The following RELN variants were observed in gnomAD, a reference collection of about 807,000 sequenced individuals.
RELN encodes reelin.
RELN carries 108 observed loss-of-function variants against 427.6 expected under a neutral mutation model. The ratio of observed to expected loss-of-function variants is 0.25; its 90% confidence interval spans 0.22 to 0.30. The LOEUF (loss-of-function observed/expected upper bound fraction) is 0.30. Among genes scored for constraint, RELN ranks in the 10% least tolerant of loss-of-function variants. The pLI, the probability that RELN is intolerant of heterozygous loss-of-function variation, is 1.00. For synonymous variants in RELN, 1,524 were observed against 1,513.4 expected (o/e 1.01, Z -0.16); for missense variants, 3,715 against 4,302.8 (o/e 0.86, Z 3.82).
chr7:103,673,239 T>C (rs771761365), intron 11 of RELN, among the ~76,000 whole-genome samples: 2 of 152,108 alleles, frequency 1.3e-5, no homozygotes, highest in Admixed American at 6.6e-5. Flanking sequence ...TTGTTCTAAT[T>C]TTAACCTAAT....
intron 3 of RELN, among the ~76,000 whole-genome samples, chr7:103,825,686 C>T (rs264370): frequency 0.49 from 74,946 of 151,808 alleles, 18,780 homozygotes; most frequent in Admixed American, 0.6. Flanking sequence ...ATAATGGAAA[C>T]GTTCTACATT....
chr7:103,884,869 G>A (rs1794687417), intron 2 of RELN, among the ~76,000 whole-genome samples: 1 of 152,174 alleles, frequency 6.6e-6, no homozygotes, highest in Non-Finnish European at 1.5e-5. Context: ...GTGGAAGACT[G>A]TGACGATTCC....
At chr7:103,770,063 A>C (rs1791525625) in intron 4 of RELN, among the ~76,000 whole-genome samples, 1 of 146,424 alleles carries the variant, frequency 6.8e-6, no homozygotes, top group Admixed American at 6.9e-5. Context: ...ATACAGCACA[A>C]ATCTTTTTTA....
intron 2 of RELN, among the ~76,000 whole-genome samples, chr7:103,866,861 C>A (rs1253408379): frequency 6.6e-6 from 1 of 152,062 alleles, no homozygotes; most frequent in Non-Finnish European, 1.5e-5. Context: ...GCTACACAGT[C>A]TGCTCCTACC....
intron 9 of RELN, 28 bp downstream of exon 9, chr7:103,700,882 T>C (rs1410582603): frequency 7.2e-7 from 1 of 1,381,044 alleles, no homozygotes; most frequent in East Asian, 2.3e-5. Context: ...TGTCAGAATT[T>C]ATGAAAATAC....
chr7:103,497,941 A>G lies in RELN; in HGVS notation c.8844-15T>C. ...ATTGCAGGAACCTGAATGCAAGCACATTTTATCCATCAGAATAATTCATTA... is the reference window on the plus strand; with the variant it reads ...ATTGCAGGAACCTGAATGCAAGCACGTTTTATCCATCAGAATAATTCATTA... On this transcript the variant is annotated splice_polypyrimidine_tract_variant and intron_variant, in intron 54 of 64. Coordinates refer to ENST00000428762, the MANE Select transcript of RELN (RefSeq NM_005045.4). 2 of 1,611,298 alleles carry G rather than the reference A, an allele frequency of 1.2e-6. No homozygotes were observed. The highest frequency in any genetic ancestry group is 2.2e-5 in the East Asian group (1 of 44,854).
chr7:103,831,049 TAG>T (rs71773684), intron 3 of RELN, among the ~76,000 whole-genome samples: 2,490 of 152,136 alleles, frequency 0.016, 61 homozygotes, highest in African/African-American at 0.057. Flanking sequence ...CAGAAGAAAA[TAG>T]AGTTTTATAT....
At chr7:103,869,028 T>C (rs555763110) in intron 2 of RELN, among the ~76,000 whole-genome samples, 3 of 152,260 alleles carry the variant, frequency 2.0e-5, no homozygotes, top group Admixed American at 2.0e-4. Flanking sequence ...GAAGTGTTTA[T>C]ACTTAGTGTA....
chr7:103,492,196 A>ATGTTCAAT (rs1383923853), intron 57 of RELN, among the ~76,000 whole-genome samples, 170 bp from the exon 58 acceptor site: 1 of 152,220 alleles, frequency 6.6e-6, no homozygotes, highest in African/African-American at 2.4e-5. Context: ...TCTGTTAAAG[A>ATGTTCAAT]TGTTCAATTT....
chr7:103,684,295 C>T (rs1032382331), intron 10 of RELN, among the ~76,000 whole-genome samples: 1 of 152,066 alleles, frequency 6.6e-6, no homozygotes, highest in Non-Finnish European at 1.5e-5. Context: ...TTGGGCACAG[C>T]GGGCTTGGTG....
intron 3 of RELN, among the ~76,000 whole-genome samples, chr7:103,807,751 G>A (rs1011787727): frequency 2.0e-5 from 3 of 152,098 alleles, no homozygotes; most frequent in African/African-American, 7.2e-5. Flanking sequence ...CTTAGGATAA[G>A]GGCCTCCAGC....
chr7:103,818,160 A>T (rs1400274181), intron 3 of RELN, among the ~76,000 whole-genome samples: 1 of 152,108 alleles, frequency 6.6e-6, no homozygotes, highest in Non-Finnish European at 1.5e-5. Context: ...GGATTTTTTA[A>T]AAATGTAAGT....
At position 103,933,109 on chromosome 7, in the gene RELN, G is replaced by A. The variant is rs114463635; in HGVS notation, c.227-15924C>T. 9.9e-3 allele frequency among the ~76,000 whole-genome samples: 1,510 copies of A among 152,160 alleles called. 14 individuals are homozygous for A. The highest frequency in any genetic ancestry group is 0.034 in the African/African-American group (1,426 of 41,498). ...TTCTAAGCTTCCAACTAGCTCACCC[G>A]ACACTGAACTGGGAAGGACAACACA... On this transcript the variant is annotated intron_variant, in intron 1 of 64. Transcript: ENST00000428762.
At position 103,682,223 on chromosome 7, in the gene RELN, A is replaced by G. The variant is rs950359826; in HGVS notation, c.1182T>C (p.His394=). The G allele has an allele frequency of 1.9e-6, 3 of 1,613,942 alleles. No homozygotes were observed. The highest frequency in any genetic ancestry group is 1.7e-5 in the Admixed American group (1 of 59,998). The change falls in exon 11 of 65, where the codon CAT becomes CAC. Residue 394 remains histidine, a synonymous_variant. Transcript: ENST00000428762. ...CQSDGNSIYF[H]GNEGSEFNFA... ...AATTGAACTCGCTGCCTTCATTTCC[A>G]TGGAAATAAATGGAGTTCCCATCTG...
chr7:103,958,382 GAC>G (rs1379502289), intron 1 of RELN, among the ~76,000 whole-genome samples: 1 of 152,208 alleles, frequency 6.6e-6, no homozygotes, highest in African/African-American at 2.4e-5. Context: ...TCTGATTTGT[GAC>G]AGATTTCCTT....
chr7:103,840,090 C>A (rs555607339), intron 2 of RELN, among the ~76,000 whole-genome samples: 1 of 152,296 alleles, frequency 6.6e-6, no homozygotes, highest in East Asian at 1.9e-4. Context: ...CCAAGGCCTC[C>A]CCAGGAGAAG....
At chr7:103,635,031 T>C (rs377331396) in intron 19 of RELN, among the ~76,000 whole-genome samples, 1 of 151,950 alleles carries the variant, frequency 6.6e-6, no homozygotes, top group East Asian at 1.9e-4. Flanking sequence ...GCTTTTTTTT[T>C]CGTATTTTTA....
chr7:103,836,711 T>C (rs949415622), intron 2 of RELN, among the ~76,000 whole-genome samples: 12 of 152,188 alleles, frequency 7.9e-5, no homozygotes, highest in African/African-American at 2.7e-4. Context: ...TACATGAAGA[T>C]TTGGCTCACT....
chr7:103,849,556 C>T (rs1041462164), intron 2 of RELN, among the ~76,000 whole-genome samples: 3 of 152,158 alleles, frequency 2.0e-5, no homozygotes, highest in Non-Finnish European at 2.9e-5. Flanking sequence ...TATCCCCTAC[C>T]TACATCTCTG....
Sources: allele counts gnomAD v4.1 joint callset (sites outside exome capture counted in the v4.1 genomes callset), GRCh38; gene constraint gnomAD v4.1.1; transcripts MANE v1.5; gene names NCBI Gene and HGNC (gene_info 2026-07-23, HGNC 2026-07-21).